SHROOM2: variants seen among roughly 807,000 people sequenced by gnomAD.
SHROOM2 encodes protein Shroom2.
A neutral mutation model predicts 75.9 loss-of-function variants in SHROOM2; 33 were observed. The ratio of observed to expected loss-of-function variants is 0.43; its 90% CI spans 0.33 to 0.58. The LOEUF is 0.58. Ranked by LOEUF, SHROOM2 falls within the 20% of genes least tolerant of loss-of-function variation. The pLI is 0.04. For synonymous variants in SHROOM2, 655 were observed against 663.6 expected (o/e 0.99, Z 0.20); for missense variants, 1,434 against 1,461.2 (o/e 0.98, Z 0.30).
At position 9,894,691 on chromosome X, in the gene SHROOM2, G is replaced by A. The variant is rs74461072; in HGVS notation, c.783G>A (p.Ser261=). The A allele has an allele frequency of 0.012, 14,532 of 1,208,844 alleles. 69 individuals are homozygous for A. Among genetic ancestry groups the A allele is most frequent in the Non-Finnish European group, 0.013 (11,927 of 894,291 alleles). ...QAQAAGDPQG[S]EEKLSCFPPR... Reference sequence around the variant, plus strand: ...AGGCCGCAGGCGACCCTCAGGGCTCGGAGGAGAAGCTCAGTTGTTTCCCGC... The same window carrying A: ...AGGCCGCAGGCGACCCTCAGGGCTCAGAGGAGAAGCTCAGTTGTTTCCCGC... The change falls in exon 4 of 10, where the codon TCG becomes TCA. Residue 261 remains serine, a synonymous_variant. Coordinates refer to ENST00000380913, the MANE Select transcript of SHROOM2 (RefSeq NM_001649.4).
chrX:9,861,969 C>A (rs2084106388), intron 1 of SHROOM2, among the ~76,000 whole-genome samples: 1 of 111,706 alleles, frequency 9.0e-6, no homozygotes, highest in African/African-American at 3.3e-5. Context: ...GGAAGCCACA[C>A]AGTAGTTGGA....
rs772189951 is a variant in SHROOM2 at position 9,816,731 on chromosome X, C to T, written c.165+30021C>T. Among the ~76,000 whole-genome samples the T allele has an allele frequency of 9.0e-5, 10 of 111,058 alleles. No individual in the cohort carries two copies. The South Asian group carries it at 2.3e-3, about 26-fold the overall frequency. ...AGCCCAAGGGTGATAGTGCTCGGGA[C>T]GGTGTCCCCCCTTAGACATGAGCTG... On this transcript the variant is annotated intron_variant, in intron 1 of 9. Coordinates refer to ENST00000380913, the MANE Select transcript of SHROOM2 (RefSeq NM_001649.4).
intron 5 of SHROOM2, among the ~76,000 whole-genome samples, chrX:9,927,353 C>CT: frequency 2.1e-5 from 1 of 47,045 alleles, no homozygotes; most frequent in Non-Finnish European, 3.4e-5. Flanking sequence ...CTATCTCTGT[C>CT]TCCAAAAAAA....
chrX:9,807,264 C>G (rs895064041), intron 1 of SHROOM2, among the ~76,000 whole-genome samples: 5 of 112,251 alleles, frequency 4.5e-5, no homozygotes, highest in Admixed American at 3.8e-4. Context: ...TGCAGGAAAG[C>G]CAGCCTGTGA....
At chrX:9,819,999 C>T (rs1404140708) in intron 1 of SHROOM2, among the ~76,000 whole-genome samples, 1 of 108,976 alleles carries the variant, frequency 9.2e-6, no homozygotes, top group African/African-American at 3.3e-5. Context: ...TGGGGTTTCA[C>T]TATGTTGTCC....
intron 1 of SHROOM2, among the ~76,000 whole-genome samples, chrX:9,814,779 G>A (rs1036997890): frequency 3.6e-5 from 4 of 111,673 alleles, no homozygotes; most frequent in Admixed American, 1.9e-4. Context: ...CTTCATCAGG[G>A]TTCTCCCTCA....
chrX:9,802,709 TAA>T (rs1162811610), intron 1 of SHROOM2, among the ~76,000 whole-genome samples: 1 of 111,344 alleles, frequency 9.0e-6, no homozygotes, highest in Non-Finnish European at 1.9e-5. Flanking sequence ...TAAAGTCCTT[TAA>T]ACACAGCTTA....
chrX:9,858,251 G>A (rs945634805), intron 1 of SHROOM2, among the ~76,000 whole-genome samples: 3 of 111,438 alleles, frequency 2.7e-5, no homozygotes, highest in African/African-American at 6.5e-5. Context: ...GTTGCACGGC[G>A]GCAGCATTAG....
intron 1 of SHROOM2, among the ~76,000 whole-genome samples, chrX:9,869,382 A>G (rs898716283): frequency 1.8e-5 from 2 of 112,583 alleles, no homozygotes; most frequent in Non-Finnish European, 3.7e-5. Flanking sequence ...GTACATTTAC[A>G]TTGTTGTCCA....
intron 1 of SHROOM2, among the ~76,000 whole-genome samples, chrX:9,853,050 T>C (rs1175426728): frequency 1.8e-5 from 2 of 112,112 alleles, no homozygotes; most frequent in African/African-American, 3.2e-5. Flanking sequence ...GATGGTTTCC[T>C]CTTTAATAGG....
intron 6 of SHROOM2, among the ~76,000 whole-genome samples, chrX:9,935,888 C>T (rs946798334): frequency 1.8e-5 from 2 of 111,134 alleles, no homozygotes; most frequent in Admixed American, 9.6e-5. Flanking sequence ...TCCTGACCAC[C>T]AGCATATGGG....
chrX:9,922,417 G>A (rs188228888), intron 5 of SHROOM2, among the ~76,000 whole-genome samples: 2 of 109,858 alleles, frequency 1.8e-5, no homozygotes, highest in Admixed American at 1.9e-4. Context: ...AAGCTCCTTT[G>A]TACTCTTTCC....
intron 5 of SHROOM2, among the ~76,000 whole-genome samples, chrX:9,922,394 A>ACGACCCTTCATTCAGGGTCGTGCCCCT (rs1569170618): frequency 9.0e-6 from 1 of 110,973 alleles, no homozygotes; most frequent in African/African-American, 3.3e-5. Flanking sequence ...TAATCAAAAC[A>ACGACCCTTCATTCAGGGTCGTGCCCCT]GTAAGTTCCA....
chrX:9,875,366 G>T (rs2084195059), intron 2 of SHROOM2, among the ~76,000 whole-genome samples: 2 of 110,687 alleles, frequency 1.8e-5, no homozygotes, highest in South Asian at 3.8e-4. Flanking sequence ...TAACTTAGTG[G>T]AATGCCGGTG....
intron 5 of SHROOM2, among the ~76,000 whole-genome samples, chrX:9,923,850 TGG>T (rs2084570084): frequency 8.9e-6 from 1 of 112,377 alleles, no homozygotes; most frequent in Non-Finnish European, 1.9e-5. Context: ...ATCTGTGCTT[TGG>T]ATTTCTCTTT....
At position 9,937,382 on chromosome X, in the gene SHROOM2, C is replaced by T. The variant is rs1257688735; in HGVS notation, c.3836C>T (p.Ala1279Val). 2 of 1,206,118 alleles carry T rather than the reference C, an allele frequency of 1.7e-6. No homozygotes were observed. The highest frequency in any genetic ancestry group is 3.6e-5 in the South Asian group (2 of 56,129). Reference protein sequence around the residue: ...EPEAPHRAQPAEPQPLGTQVP... With the variant: ...EPEAPHRAQPVEPQPLGTQVP... The stretch of plus-strand genomic sequence containing the variant: ...GAGGCCCCACATAGGGCCCAGCCGG[C>T]TGAGCCCCAGCCCCTGGGCACCCAG... The change falls in exon 7 of 10, where the codon GCT becomes GTT. Residue 1279 changes from alanine (A) to valine (V), a missense_variant. This residue lies in a region of SHROOM2 where 1,340 missense variants were observed against 1,338.3 expected (regional missense o/e 1.00). Transcript: ENST00000380913.
chrX:9,803,555 C>T (rs2083735981), intron 1 of SHROOM2, among the ~76,000 whole-genome samples: 2 of 110,989 alleles, frequency 1.8e-5, no homozygotes, highest in African/African-American at 6.6e-5. Flanking sequence ...TTTTCCCACC[C>T]GATGGTGCTC....
At chrX:9,842,647 C>T (rs927319910) in intron 1 of SHROOM2, among the ~76,000 whole-genome samples, 2 of 112,596 alleles carry the variant, frequency 1.8e-5, no homozygotes, top group Non-Finnish European at 3.8e-5. Context: ...TCCCCCTCTT[C>T]CTCTCCCACC....
chrX:9,818,872 T>A (rs1288368388), intron 1 of SHROOM2: 5 of 526,026 alleles, frequency 9.5e-6, no homozygotes, highest in Non-Finnish European at 1.7e-5. Context: ...ACTGATTTCA[T>A]CCATTCTGCA....
Sources: allele counts gnomAD v4.1 joint callset (sites outside exome capture counted in the v4.1 genomes callset), GRCh38; gene constraint gnomAD v4.1.1; regional missense constraint gnomAD v4.1.1; transcripts MANE v1.5; gene names NCBI Gene and HGNC (gene_info 2026-07-23, HGNC 2026-07-21).